The following SHROOM2 variants were observed in gnomAD, a reference collection of about 807,000 sequenced individuals.
SHROOM2 encodes the protein protein Shroom2.
In SHROOM2, 33 loss-of-function variants were observed where a neutral mutation model predicts 75.9. The observed-to-expected ratio is 0.43, with a 90% CI of 0.33 to 0.58. The LOEUF is 0.58. Ranked by LOEUF, SHROOM2 falls within the 20% of genes least tolerant of loss-of-function variation. The pLI is 0.04. For missense variants in SHROOM2, 1,434 were observed against 1,461.2 expected (o/e 0.98, Z 0.30); for synonymous variants, 655 against 663.6 (o/e 0.99, Z 0.20).
At chrX:9,909,892 G>A (rs780679598) in intron 5 of SHROOM2, among the ~76,000 whole-genome samples, 6 of 112,115 alleles carry the variant, frequency 5.4e-5, no homozygotes, top group Non-Finnish European at 1.1e-4. Context: ...GGCAGATTCG[G>A]TGTCTGGTGA....
intron 5 of SHROOM2, among the ~76,000 whole-genome samples, chrX:9,916,323 G>T (rs1360539817): frequency 8.9e-6 from 1 of 112,320 alleles, no homozygotes; most frequent in Non-Finnish European, 1.9e-5. Context: ...ACTTGTATGT[G>T]TATGGTGCAT....
rs755835123 is a variant in SHROOM2 at position 9,895,833 on chromosome X, A to G, written c.1925A>G (p.Gln642Arg). The G allele has an allele frequency of 8.3e-7, 1 of 1,204,352 alleles. No homozygotes were observed. The highest frequency in any genetic ancestry group is 1.1e-6 in the Non-Finnish European group (1 of 891,314). The change falls in exon 4 of 10, where the codon CAG (glutamine) becomes CGG (arginine). Residue 642 changes from glutamine to arginine, a missense_variant. Gln to Arg is a conservative substitution (Grantham distance 43). This residue lies in a region of SHROOM2 where 1,340 missense variants were observed against 1,338.3 expected (regional missense o/e 1.00). Coordinates refer to ENST00000380913, the MANE Select transcript of SHROOM2 (RefSeq NM_001649.4). Reference sequence around the variant, plus strand: ...ATCCAGATGCATAGAGCCAAGCTGCAGAAGAGCCGGAGCACAGTGGCTCTG... The same window carrying G: ...ATCCAGATGCATAGAGCCAAGCTGCGGAAGAGCCGGAGCACAGTGGCTCTG... ...NEIQMHRAKL[Q>R]KSRSTVALTA...
At chrX:9,868,115 T>C (rs1474068795) in intron 1 of SHROOM2, among the ~76,000 whole-genome samples, 2 of 111,942 alleles carry the variant, frequency 1.8e-5, no homozygotes, top group African/African-American at 3.2e-5. Context: ...CCCAAGACCC[T>C]GCAAGCCATG....
intron 1 of SHROOM2, among the ~76,000 whole-genome samples, chrX:9,820,173 A>AAT (rs1555924012): frequency 2.3e-5 from 2 of 88,586 alleles, no homozygotes; most frequent in African/African-American, 8.5e-5. Context: ...TTATTGCAGT[A>AAT]TTTTTTTTTT....
intron 5 of SHROOM2, chrX:9,912,862 G>C (rs895932614): frequency 2.7e-5 from 3 of 112,441 alleles, no homozygotes; most frequent in African/African-American, 9.7e-5. Context: ...AGCTCCACAG[G>C]CGTGCACGTA....
chrX:9,833,520 A>G (rs1028061791), intron 1 of SHROOM2, among the ~76,000 whole-genome samples: 2 of 110,438 alleles, frequency 1.8e-5, no homozygotes, highest in African/African-American at 6.6e-5. Context: ...GGACCTCCTA[A>G]TTAGGGACCT....
At chrX:9,920,789 C>A (rs749505620) in intron 5 of SHROOM2, among the ~76,000 whole-genome samples, 1 of 112,066 alleles carries the variant, frequency 8.9e-6, no homozygotes, top group Non-Finnish European at 1.9e-5. Flanking sequence ...TTCTGGTCTG[C>A]TTTCTCCTCA....
intron 1 of SHROOM2, among the ~76,000 whole-genome samples, chrX:9,801,342 A>G (rs1465604721): frequency 1.8e-5 from 2 of 111,401 alleles, no homozygotes; most frequent in African/African-American, 6.5e-5. Flanking sequence ...ACACAACCAA[A>G]CTGTATCCAA....
chrX:9,801,231 TG>T (rs2083722587), intron 1 of SHROOM2, among the ~76,000 whole-genome samples: 1 of 112,058 alleles, frequency 8.9e-6, no homozygotes. Context: ...GAGAACAGTA[TG>T]GGGGAAACTG....
At position 9,863,478 on chromosome X, in the gene SHROOM2, G is replaced by A. The variant is rs146069018; in HGVS notation, c.166-10174G>A. Among the ~76,000 whole-genome samples the A allele has an allele frequency of 1.6e-3, 178 of 111,222 alleles. No homozygotes were observed. The Middle Eastern group carries it at 0.056, about 35-fold the overall frequency. On this transcript the variant is annotated intron_variant, in intron 1 of 9. Transcript: ENST00000380913. ...TCTCCTTGCCATGGTGCCTCGTGTG[G>A]TGCAGCCCTCATTTTAGGGAGAGAT...
intron 2 of SHROOM2, among the ~76,000 whole-genome samples, chrX:9,888,652 C>G (rs2084274438): frequency 9.0e-6 from 1 of 111,196 alleles, no homozygotes; most frequent in African/African-American, 3.3e-5. Context: ...CTATGCTACC[C>G]AGGCTGATCT....
chrX:9,808,222 G>A (rs1341437371), intron 1 of SHROOM2, among the ~76,000 whole-genome samples: 2 of 110,805 alleles, frequency 1.8e-5, no homozygotes, highest in Non-Finnish European at 3.8e-5. Context: ...GGAGGCTGAA[G>A]GAAGCCTTCC....
At chrX:9,821,553 G>A (rs768061695) in intron 1 of SHROOM2, among the ~76,000 whole-genome samples, 6 of 111,615 alleles carry the variant, frequency 5.4e-5, no homozygotes, top group Non-Finnish European at 9.4e-5. Context: ...CATGTAATGC[G>A]TGTTTTGAAA....
chrX:9,891,620 A>G (rs187370045), intron 3 of SHROOM2, among the ~76,000 whole-genome samples: 1 of 111,047 alleles, frequency 9.0e-6, no homozygotes, highest in Non-Finnish European at 1.9e-5. Flanking sequence ...GCGTGTGTGG[A>G]TGTCTCCCTG....
intron 5 of SHROOM2, among the ~76,000 whole-genome samples, chrX:9,908,947 A>G (rs1032509545): frequency 3.3e-4 from 36 of 107,510 alleles, no homozygotes; most frequent in Admixed American, 3.2e-3. Flanking sequence ...TCTCTCAAAA[A>G]TAAATAAATA....
intron 2 of SHROOM2, among the ~76,000 whole-genome samples, chrX:9,886,032 T>C (rs1467249133): frequency 1.8e-5 from 2 of 112,211 alleles, no homozygotes; most frequent in African/African-American, 3.2e-5. Context: ...CTGTATATTA[T>C]CTTTTTAAAA....
intron 6 of SHROOM2, among the ~76,000 whole-genome samples, chrX:9,936,549 G>T (rs372926099): frequency 2.7e-5 from 3 of 112,251 alleles, no homozygotes; most frequent in Non-Finnish European, 5.6e-5. Flanking sequence ...CGGGCGGGGG[G>T]TACAAGGACA....
chrX:9,887,507 T>G (rs1172015489), intron 2 of SHROOM2, among the ~76,000 whole-genome samples: 2 of 112,008 alleles, frequency 1.8e-5, no homozygotes, highest in African/African-American at 6.5e-5. Context: ...TTAAAATTAT[T>G]ATGTTTTTAA....
rs1354393902 is a variant in SHROOM2 at position 9,947,626 on chromosome X, C to T, written c.*689C>T. On this transcript the variant is annotated 3_prime_UTR_variant, in exon 10 of 10. Coordinates refer to ENST00000380913, the MANE Select transcript of SHROOM2 (RefSeq NM_001649.4). ...ACGTGCATGCTTTAAAAAACACAGTCACGCACCAAGCAGGCAAATAGCTTT... is the reference window on the plus strand; with the variant it reads ...ACGTGCATGCTTTAAAAAACACAGTTACGCACCAAGCAGGCAAATAGCTTT... The T allele has an allele frequency of 8.9e-6, 1 of 112,471 alleles. No individual in the cohort carries two copies. Among genetic ancestry groups the T allele is most frequent in the Non-Finnish European group, 1.9e-5 (1 of 53,411 alleles). 9.3% of individuals were successfully genotyped at this position (112,471 alleles called of 1,213,427 possible).
Sources: gnomAD v4.1 joint callset for allele counts (sites outside exome capture counted in the v4.1 genomes callset) on GRCh38, gnomAD v4.1.1 for gene constraint, gnomAD v4.1.1 regional missense constraint, MANE v1.5 for transcripts, NCBI Gene and HGNC (gene_info 2026-07-23, HGNC 2026-07-21) for gene names.